The following CNTNAP2 variants were observed in gnomAD, a reference collection of about 807,000 sequenced individuals.
The protein encoded by CNTNAP2 is contactin-associated protein-like 2.
CNTNAP2 carries 98 observed loss-of-function variants against 155.2 expected under a neutral mutation model. The ratio of observed to expected loss-of-function variants is 0.63; its 90% confidence interval spans 0.54 to 0.75. The LOEUF is 0.75. Among genes scored for constraint, CNTNAP2 ranks in the 30% least tolerant of loss-of-function variants. The pLI, the probability that CNTNAP2 is intolerant of heterozygous loss-of-function variation, is 0.00. For synonymous variants in CNTNAP2, 651 were observed against 631.2 expected (o/e 1.03, Z -0.47); for missense variants, 1,727 against 1,688.1 (o/e 1.02, Z -0.40).
chr7:146,512,649 A>G (rs1797484382), intron 1 of CNTNAP2, among the ~76,000 whole-genome samples: 1 of 151,890 alleles, frequency 6.6e-6, no homozygotes, highest in Admixed American at 6.6e-5. Context: ...CGGAAAAGAT[A>G]TTTAATACTT....
chr7:147,776,248 G>A (rs1043365314), intron 13 of CNTNAP2, among the ~76,000 whole-genome samples: 1 of 147,944 alleles, frequency 6.8e-6, no homozygotes, highest in Non-Finnish European at 1.5e-5. Context: ...TATGTTACAA[G>A]CAAGTGCAAT....
chr7:148,292,836 A>C (rs1180042682), intron 21 of CNTNAP2, among the ~76,000 whole-genome samples: 4 of 152,134 alleles, frequency 2.6e-5, no homozygotes, highest in African/African-American at 9.7e-5. Flanking sequence ...TGGTCTCAGC[A>C]ACTTCCTCTG....
chr7:147,542,350 G>A (rs985727413), intron 11 of CNTNAP2, among the ~76,000 whole-genome samples: 4 of 151,724 alleles, frequency 2.6e-5, no homozygotes, highest in Non-Finnish European at 4.4e-5. Flanking sequence ...GTAAGAGTTT[G>A]TACTGGACAG....
chr7:147,682,866 G>A (rs1328404995), intron 13 of CNTNAP2, among the ~76,000 whole-genome samples: 1 of 151,806 alleles, frequency 6.6e-6, no homozygotes, highest in African/African-American at 2.4e-5. Flanking sequence ...AAGGTTTTTT[G>A]GGTTTGGCTT....
At chr7:146,364,613 G>GT (rs1795129940) in intron 1 of CNTNAP2, among the ~76,000 whole-genome samples, 2 of 152,094 alleles carry the variant, frequency 1.3e-5, no homozygotes, top group Admixed American at 1.3e-4. Context: ...AAAAAAATAA[G>GT]TTAAAGGACT....
chr7:146,843,667 A>T (rs1300945939), intron 3 of CNTNAP2, among the ~76,000 whole-genome samples: 1 of 152,058 alleles, frequency 6.6e-6, no homozygotes, highest in African/African-American at 2.4e-5. Context: ...ACTTCTAAAA[A>T]TTCTTGAATA....
intron 3 of CNTNAP2, among the ~76,000 whole-genome samples, chr7:146,921,042 A>G (rs777733982): frequency 6.6e-6 from 1 of 152,218 alleles, no homozygotes; most frequent in Non-Finnish European, 1.5e-5. Flanking sequence ...TCAAAGAGCT[A>G]CATGTTGTAT....
chr7:146,448,790 T>C (rs1428388034), intron 1 of CNTNAP2, among the ~76,000 whole-genome samples: 1 of 152,112 alleles, frequency 6.6e-6, no homozygotes, highest in African/African-American at 2.4e-5. Flanking sequence ...AAAACTTTTC[T>C]TCACACTACA....
In CNTNAP2 at chr7:146,644,818, C is replaced by G. The variant is rs143361650; in HGVS notation, c.98-129453C>G. ...TCTCTGAATAGACCAAGAACAGGCT[C>G]TGAAATTGTGGCAATAATCAGTAGC... On this transcript the variant is annotated intron_variant, in intron 1 of 23. Transcript: ENST00000361727. 8.0e-3 allele frequency among the ~76,000 whole-genome samples: 1,224 copies of G among 152,188 alleles called. 11 individuals carry two copies. Among genetic ancestry groups the G allele is most frequent in the African/African-American group, 0.028 (1,176 of 41,534 alleles).
intron 3 of CNTNAP2, among the ~76,000 whole-genome samples, chr7:146,949,585 C>A (rs957667905): frequency 1.3e-5 from 2 of 152,166 alleles, no homozygotes; most frequent in African/African-American, 4.8e-5. Context: ...TACAAATACC[C>A]TTGCATTATT....
At chr7:147,420,129 T>C (rs998839918) in intron 10 of CNTNAP2, among the ~76,000 whole-genome samples, 5 of 152,158 alleles carry the variant, frequency 3.3e-5, no homozygotes, top group Non-Finnish European at 7.3e-5. Context: ...AGATTATAAA[T>C]TGCACCATTT....
intron 3 of CNTNAP2, among the ~76,000 whole-genome samples, chr7:146,882,422 G>A (rs1460782039): frequency 3.3e-5 from 5 of 152,070 alleles, no homozygotes; most frequent in African/African-American, 1.2e-4. Context: ...CTTCATGGGA[G>A]GTGATTAGAT....
chr7:148,136,386 A>G (rs960496649), intron 16 of CNTNAP2, among the ~76,000 whole-genome samples: 2 of 151,674 alleles, frequency 1.3e-5, no homozygotes, highest in African/African-American at 4.8e-5. Flanking sequence ...TGTTTTAAAG[A>G]GCTTGGCACC....
At position 147,090,349 on chromosome 7, in the gene CNTNAP2, GTGTT is replaced by G. The variant is rs201315479; in HGVS notation, c.551-17797_551-17794del. ...TGTGTGTGTGTGTGTGTGTGTGTGT[GTGTT>G]ACAATTCTCTGGTATTTACAACAAG... On this transcript the variant is annotated intron_variant, in intron 4 of 23. Coordinates refer to ENST00000361727, the MANE Select transcript of CNTNAP2 (RefSeq NM_014141.6). Among the ~76,000 whole-genome samples the G allele has an allele frequency of 3.9e-3, 586 of 151,558 alleles. 2 individuals are homozygous for G. The highest frequency in any genetic ancestry group is 9.9e-3 in the East Asian group (51 of 5,160).
At chr7:146,861,563 A>C (rs540436150) in intron 3 of CNTNAP2, among the ~76,000 whole-genome samples, 1 of 152,228 alleles carries the variant, frequency 6.6e-6, no homozygotes, top group Non-Finnish European at 1.5e-5. Flanking sequence ...CCAAGTGTAC[A>C]TTGCTGACAC....
chr7:146,190,822 C>A (rs1242628209), intron 1 of CNTNAP2, among the ~76,000 whole-genome samples: 1 of 151,802 alleles, frequency 6.6e-6, no homozygotes, highest in Non-Finnish European at 1.5e-5. Flanking sequence ...AAGACAGATC[C>A]CTTCTCTCTC....
At chr7:146,904,573 G>A (rs576934478) in intron 3 of CNTNAP2, among the ~76,000 whole-genome samples, 6 of 152,212 alleles carry the variant, frequency 3.9e-5, no homozygotes, top group African/African-American at 7.2e-5. Context: ...CCAGGTTCAC[G>A]CCATTCTCCT....
chr7:148,227,046 G>T (rs976198726), intron 19 of CNTNAP2, among the ~76,000 whole-genome samples: 4 of 152,168 alleles, frequency 2.6e-5, no homozygotes, highest in African/African-American at 9.7e-5. Flanking sequence ...GGATCACCAT[G>T]GAAACAGGCC....
At chr7:147,693,948 CT>C (rs540350384) in intron 13 of CNTNAP2, among the ~76,000 whole-genome samples, 174 of 152,112 alleles carry the variant, frequency 1.1e-3, no homozygotes, top group African/African-American at 3.9e-3. Context: ...CTTCAGGTTT[CT>C]AACTATTAAA....
Sources: allele counts gnomAD v4.1 joint callset (sites outside exome capture counted in the v4.1 genomes callset), GRCh38; gene constraint gnomAD v4.1.1; transcripts MANE v1.5; gene names NCBI Gene and HGNC (gene_info 2026-07-23, HGNC 2026-07-21).